The following CHEK1 variants were observed in gnomAD, a reference collection of about 807,000 sequenced individuals.
CHEK1 encodes serine/threonine-protein kinase Chk1.
Under a neutral mutation model 60.2 loss-of-function variants are expected in CHEK1, and 32 were observed. The observed-to-expected ratio is 0.53, with a 90% CI of 0.40 to 0.71. CHEK1 has a LOEUF of 0.71. Ranked by LOEUF, CHEK1 falls within the 30% of genes least tolerant of loss-of-function variation. CHEK1 has a pLI of 0.00. For missense variants in CHEK1, 399 were observed against 564.6 expected (o/e 0.71, Z 2.97); for synonymous variants, 179 against 187.2 (o/e 0.96, Z 0.36).
intron 13 of CHEK1, among the ~76,000 whole-genome samples, chr11:125,665,963 C>T (rs1942091307): frequency 1.1e-5 from 1 of 88,446 alleles, no homozygotes; most frequent in Non-Finnish European, 2.3e-5. Flanking sequence ...TTTCATTTAT[C>T]TTATGCACTT....
intron 5 of CHEK1, among the ~76,000 whole-genome samples, chr11:125,630,230 A>T (rs1940810846): frequency 6.6e-6 from 1 of 152,174 alleles, no homozygotes; most frequent in African/African-American, 2.4e-5. Context: ...ATCAAAAAAG[A>T]AATGTCAGCT....
chr11:125,672,800 T>C, intron 13 of CHEK1: 2 of 1,542,140 alleles, frequency 1.3e-6, no homozygotes, highest in South Asian at 1.2e-5. Context: ...AGTGTCTCCA[T>C]GCAGGATGGT....
rs543481333 is a variant in CHEK1 at position 125,665,362 on chromosome 11, G to GT, written c.*27+10021dup. ...ATCATGGGGAAGATCTTTTTAATGTGTTTTTTGGATTCTGTTTTGTAGTAT... is the reference window on the plus strand; with the variant it reads ...ATCATGGGGAAGATCTTTTTAATGTGTTTTTTTGGATTCTGTTTTGTAGTAT... On this transcript the variant is annotated intron_variant, in intron 13 of 13. Coordinates refer to the CHEK1 transcript ENST00000428830. Among the ~76,000 whole-genome samples the GT allele has an allele frequency of 3.3e-5, 5 of 151,584 alleles. No homozygotes were observed. In the South Asian group the frequency reaches 1.0e-3, roughly 32 times the overall value.
downstream of CHEK1, among the ~76,000 whole-genome samples, chr11:125,657,347 T>C (rs1198684488): frequency 1.3e-5 from 2 of 152,040 alleles, no homozygotes; most frequent in Non-Finnish European, 2.9e-5. Context: ...ATAAAATATG[T>C]ACACTTCAAT....
Position 125,633,143 on chromosome 11 carries a change from C to A in CHEK1, c.425-20C>A. ...GCAAAACATTTTTATTCAGTGTCAT[C>A]TTTTTTTCTTTTGGTTTAGATAACC... On this transcript the variant is annotated intron_variant, in intron 5 of 12. Transcript: ENST00000438015. 6.5e-7 allele frequency: 1 copy of A among 1,548,216 alleles called. No individual in the cohort carries two copies. Among genetic ancestry groups the A allele is most frequent in the African/African-American group, 1.4e-5 (1 of 70,542 alleles).
Position 125,627,701 on chromosome 11 carries a change from A to G in CHEK1, c.160A>G (p.Lys54Glu). Residue 54 changes from lysine (K) to glutamate (E), a missense_variant, in exon 3 of 13, where the codon AAA (lysine) becomes GAA (glutamate). Transcript: ENST00000438015. ...CGTAGACTGTCCAGAAAATATTAAG[A>G]AAGAGATCTGTATCAATAAAATGCT... is the stretch of plus-strand genomic sequence containing the variant. ...RAVDCPENIK[K>E]EICINKMLNH... 6.2e-7 allele frequency: 1 copy of G among 1,613,884 alleles called. No individual in the cohort carries two copies.
downstream of CHEK1, among the ~76,000 whole-genome samples, chr11:125,679,532 T>C (rs1372581387): frequency 6.6e-6 from 1 of 152,260 alleles, no homozygotes; most frequent in African/African-American, 2.4e-5. Context: ...CATCTCATCA[T>C]TGACTGTCAG....
At chr11:125,663,006 C>G (rs1300965028) in intron 13 of CHEK1, among the ~76,000 whole-genome samples, 2 of 151,894 alleles carry the variant, frequency 1.3e-5, no homozygotes, top group African/African-American at 4.8e-5. Flanking sequence ...CATTTGTCAT[C>G]TATGTATCTT....
intron 9 of CHEK1, 36 bp from the exon 10 acceptor site, chr11:125,644,052 TTTA>T (rs766281194): frequency 6.3e-7 from 1 of 1,589,252 alleles, no homozygotes; most frequent in Non-Finnish European, 8.6e-7. Context: ...TAGATTTTAT[TTTA>T]TTAAATGTAT....
At chr11:125,662,433 T>C (rs1942034306) in intron 13 of CHEK1, among the ~76,000 whole-genome samples, 1 of 152,202 alleles carries the variant, frequency 6.6e-6, no homozygotes, top group South Asian at 2.1e-4. Flanking sequence ...TTTCAGTATA[T>C]TAATTTGTCT....
intron 11 of CHEK1, among the ~76,000 whole-genome samples, chr11:125,647,444 G>A (rs1231269552): frequency 3.3e-5 from 5 of 150,622 alleles, no homozygotes; most frequent in African/African-American, 1.2e-4. Flanking sequence ...GCTTTATAGT[G>A]AATTTTGACA....
downstream of CHEK1, among the ~76,000 whole-genome samples, chr11:125,678,974 CAT>C (rs1555078663): frequency 8.1e-4 from 19 of 23,544 alleles, no homozygotes; most frequent in South Asian, 2.2e-3. Context: ...AAAGTCTAGG[CAT>C]ATTATATATA....
At chr11:125,654,454 TTA>T (rs1339148872) in intron 12 of CHEK1, among the ~76,000 whole-genome samples, 1 of 152,184 alleles carries the variant, frequency 6.6e-6, no homozygotes, top group Non-Finnish European at 1.5e-5. Context: ...TTTTCTTAAT[TTA>T]TGTCTTTTAA....
At position 125,626,985 on chromosome 11, in the gene CHEK1, C is replaced by A. The variant is rs1253040456; in HGVS notation, c.65+152C>A. On this transcript the variant is annotated intron_variant, in intron 2 of 12. Coordinates refer to ENST00000438015, the MANE Select transcript of CHEK1 (RefSeq NM_001114122.3). ...TTTTGCTAGGATTAAAAATTTTTTCCTTCCCTTTAAAAAAAAAAGTTTTCT... is the reference window on the plus strand; with the variant it reads ...TTTTGCTAGGATTAAAAATTTTTTCATTCCCTTTAAAAAAAAAAGTTTTCT... The A allele has an allele frequency of 3.8e-6, 3 of 796,068 alleles. No homozygotes were observed. The Admixed American group carries it at 8.9e-5, about 24-fold the overall frequency. The allele number at this position is 796,068 out of a possible 1,614,324, so 49.3% of individuals were successfully genotyped here.
Position 125,635,553 on chromosome 11 carries a change from T to C in CHEK1, c.718+20T>C, listed in dbSNP as rs1175367130. ...CTCTAGGTAACTGAATTATCTTGAG[T>C]GAAAGAGTACCGATTTCTTGGATAT... On this transcript the variant is annotated intron_variant, in intron 7 of 12. Transcript: ENST00000438015. 1 of 1,468,054 alleles carries C rather than the reference T, an allele frequency of 6.8e-7. No individual in the cohort carries two copies. The highest frequency in any genetic ancestry group is 1.2e-5 in the South Asian group (1 of 81,316). 90.9% of individuals were successfully genotyped at this position (1,468,054 alleles called of 1,614,324 possible).
At chr11:125,665,155 A>G (rs1942076486) in intron 13 of CHEK1, among the ~76,000 whole-genome samples, 1 of 149,434 alleles carries the variant, frequency 6.7e-6, no homozygotes, top group Admixed American at 6.7e-5. Flanking sequence ...GTATTCCAGT[A>G]TCGGTCTGTT....
chr11:125,627,190 T>A (rs1940651350), intron 2 of CHEK1, among the ~76,000 whole-genome samples: 1 of 152,212 alleles, frequency 6.6e-6, no homozygotes, highest in South Asian at 2.1e-4. Flanking sequence ...AGCTTCTTAA[T>A]GTCATTGTGT....
chr11:125,638,633 T>C (rs1941163626), intron 8 of CHEK1, among the ~76,000 whole-genome samples: 1 of 152,170 alleles, frequency 6.6e-6, no homozygotes, highest in Non-Finnish European at 1.5e-5. Flanking sequence ...GTGTTTTCTT[T>C]CCCATACCCT....
In CHEK1 at chr11:125,655,482, G is replaced by A. The variant is rs1440480505; in HGVS notation, c.*162G>A. 8.0e-6 allele frequency: 4 copies of A among 499,270 alleles called. No homozygotes were observed. In the Admixed American group the frequency reaches 1.2e-4, roughly 15 times the overall value. 30.9% of individuals were successfully genotyped at this position (499,270 alleles called of 1,614,324 possible). On this transcript the variant is annotated 3_prime_UTR_variant, in exon 13 of 13. Coordinates refer to ENST00000438015, the MANE Select transcript of CHEK1 (RefSeq NM_001114122.3). ...ATCTTCCAATTTATTTTGTTTGTTC[G>A]GCATACAAATAATACCTATATCTTA...
Sources: gnomAD v4.1 joint callset for allele counts (sites outside exome capture counted in the v4.1 genomes callset) on GRCh38, gnomAD v4.1.1 for gene constraint, MANE v1.5 for transcripts, NCBI Gene and HGNC (gene_info 2026-07-23, HGNC 2026-07-21) for gene names.